The following RUFY2 variants were observed in gnomAD, a reference collection of about 807,000 sequenced individuals.
RUFY2 encodes the protein RUN and FYVE domain containing 2.
In RUFY2, 49 loss-of-function variants were observed where a neutral mutation model predicts 94.4. The observed-to-expected ratio is 0.52, with a 90% CI of 0.41 to 0.66. The LOEUF (loss-of-function observed/expected upper bound fraction) is 0.66, where lower values mean the gene tolerates loss of function less well. Among genes scored for constraint, RUFY2 ranks in the 30% least tolerant of loss-of-function variants. RUFY2 has a pLI of 0.00. For synonymous variants in RUFY2, 255 were observed against 235.7 expected (o/e 1.08, Z -0.75); for missense variants, 541 against 692.8 (o/e 0.78, Z 2.46).
At chr10:68,401,496 T>C (rs1590003566) in intron 3 of RUFY2, 124 bp downstream of exon 3, 1 of 634,050 alleles carries the variant, frequency 1.6e-6, no homozygotes, top group Admixed American at 2.4e-5. Flanking sequence ...AATTTTATTA[T>C]AAGAGGATTA....
At chr10:68,373,547 A>G (rs1358924241) in intron 13 of RUFY2, among the ~76,000 whole-genome samples, 1 of 152,048 alleles carries the variant, frequency 6.6e-6, no homozygotes, top group Non-Finnish European at 1.5e-5. Flanking sequence ...CAGAGGAATC[A>G]CTTGAGGCCA....
intron 10 of RUFY2, 43 bp downstream of exon 10, chr10:68,383,755 C>T (rs1184561969): frequency 1.5e-5 from 20 of 1,340,162 alleles, no homozygotes; most frequent in Middle Eastern, 1.8e-4. Flanking sequence ...GGGTAAATTA[C>T]TCCCAGGATG....
intron 7 of RUFY2, among the ~76,000 whole-genome samples, chr10:68,392,596 C>A (rs2050083066): frequency 6.6e-6 from 1 of 151,940 alleles, no homozygotes; most frequent in Non-Finnish European, 1.5e-5. Context: ...GTTTTAAGTT[C>A]TATTTAAATC....
chr10:68,342,313 G>GATGTGCTGCCTTC (rs1289329773), downstream of RUFY2: 2 of 353,474 alleles, frequency 5.7e-6, no homozygotes, highest in South Asian at 4.9e-5. Context: ...TACTCCTAAA[G>GATGTGCTGCCTTC]ATGTGCTGCC....
chr10:68,351,122 ATTTTTTTTTTTT>A (rs71009048), intron 16 of RUFY2, among the ~76,000 whole-genome samples: 2 of 79,000 alleles, frequency 2.5e-5, no homozygotes, highest in African/African-American at 1.1e-4. Context: ...GTATCCATAC[ATTTTTTTTTTTT>A]TTTTTTTTTT....
chr10:68,379,544 T>C lies in RUFY2; in HGVS notation c.1108-23A>G, dbSNP rs369774585. ...ACCCTATTTATAAAAACAAAAGCTA[T>C]GGTGGTTTTGATTTGTGTGTGTGTG... On this transcript the variant is annotated intron_variant, in intron 11 of 17. Coordinates refer to ENST00000602465, the MANE Select transcript of RUFY2 (RefSeq NM_001330103.2). The C allele has an allele frequency of 2.4e-5, 37 of 1,548,678 alleles. No individual in the cohort carries two copies. In the African/African-American group the frequency reaches 3.8e-4, roughly 16 times the overall value.
chr10:68,377,277 G>A (rs1437768726), intron 12 of RUFY2: 25 of 1,160,896 alleles, frequency 2.2e-5, no homozygotes, highest in Admixed American at 4.8e-5. Context: ...AGAGCATAAC[G>A]AATCAAATTT....
rs1270223586 is a variant in RUFY2 at position 68,400,486 on chromosome 10, C to T, written c.296+1134G>A. On this transcript the variant is annotated intron_variant, in intron 3 of 17. Coordinates refer to ENST00000602465, the MANE Select transcript of RUFY2 (RefSeq NM_001330103.2). Reference sequence around the variant, plus strand: ...GGTCAGGAGATCAAGACCATCCTGGCTAACATGGTGAAACCCCGTCTCTAC... The same window carrying T: ...GGTCAGGAGATCAAGACCATCCTGGTTAACATGGTGAAACCCCGTCTCTAC... 4.6e-5 allele frequency among the ~76,000 whole-genome samples: 7 copies of T among 150,538 alleles called. No individual in the cohort carries two copies. In the East Asian group the frequency reaches 5.9e-4, roughly 13 times the overall value.
At chr10:68,381,608 G>A (rs2049060442) in intron 10 of RUFY2, among the ~76,000 whole-genome samples, 1 of 152,180 alleles carries the variant, frequency 6.6e-6, no homozygotes, top group South Asian at 2.1e-4. Flanking sequence ...ACTTTGGGAG[G>A]CCAAGGTGGG....
intron 8 of RUFY2, among the ~76,000 whole-genome samples, chr10:68,385,841 CA>C (rs897213823): frequency 6.6e-6 from 1 of 152,006 alleles, no homozygotes; most frequent in Non-Finnish European, 1.5e-5. Context: ...CTGAGTATCT[CA>C]AATATAGTAT....
Position 68,345,779 on chromosome 10 carries a change from T to G in RUFY2, c.1810A>C (p.Asn604His), listed in dbSNP as rs748781275. 10 of 1,612,534 alleles carry G rather than the reference T, an allele frequency of 6.2e-6. No individual in the cohort carries two copies. Among genetic ancestry groups the G allele is most frequent in the Non-Finnish European group, 8.5e-6 (10 of 1,179,360 alleles). ...HALLIQRCSS[N>H]LP ...TTAGTTCTGGAGTCTCAGGGCAAGT[T>G]AGATGAGCATCTCTGAATGAGCAGT... Residue 604 changes from asparagine to histidine, a missense_variant, in exon 18 of 18, where the codon AAC (asparagine) becomes CAC (histidine). Asn to His is a moderately conservative substitution (Grantham distance 68). Transcript: ENST00000602465.
intron 7 of RUFY2, among the ~76,000 whole-genome samples, chr10:68,389,690 A>T (rs1238000268): frequency 6.6e-6 from 1 of 152,082 alleles, no homozygotes; most frequent in Non-Finnish European, 1.5e-5. Context: ...GAACTTTGGG[A>T]GGCCCAGGCG....
In RUFY2 at chr10:68,345,893, C is replaced by A; in HGVS notation, c.1696G>T (p.Gly566Trp). 2 of 1,614,048 alleles carry A rather than the reference C, an allele frequency of 1.2e-6. No homozygotes were observed. The highest frequency in any genetic ancestry group is 1.7e-6 in the Non-Finnish European group (2 of 1,180,006). ...SKRKHHCRNC[G>W]EIFCNACSDN... ...GAGCAGGCATTACAGAAAATTTCCC[C>A]ACAATTTCTACAGTGGTGCTATTAA... is the stretch of plus-strand genomic sequence containing the variant. Residue 566 changes from glycine to tryptophan, a missense_variant, in exon 18 of 18, where the codon GGG becomes TGG. Physicochemically the swap from Gly to Trp is radical, Grantham distance 184. Coordinates refer to ENST00000602465, the MANE Select transcript of RUFY2 (RefSeq NM_001330103.2).
chr10:68,404,320 G>A (rs1415133625), intron 2 of RUFY2, among the ~76,000 whole-genome samples: 1 of 152,022 alleles, frequency 6.6e-6, no homozygotes, highest in Non-Finnish European at 1.5e-5. Context: ...TTTCAATGCA[G>A]TTGTTCAACA....
chr10:68,350,441 C>A (rs1184907103), intron 16 of RUFY2, among the ~76,000 whole-genome samples: 4 of 152,134 alleles, frequency 2.6e-5, no homozygotes, highest in Admixed American at 1.3e-4. Flanking sequence ...CTGTTCTAGA[C>A]CCTTCAGCTG....
rs1399888461 is a variant in RUFY2, at chr10:68,345,894, A to G, written c.1695T>C (p.Cys565=). The G allele has an allele frequency of 1.9e-6, 3 of 1,614,158 alleles. No individual in the cohort carries two copies. Among genetic ancestry groups the G allele is most frequent in the Admixed American group, 1.7e-5 (1 of 60,018 alleles). ...LSKRKHHCRN[C]GEIFCNACSD... ...AGCAGGCATTACAGAAAATTTCCCC[A>G]CAATTTCTACAGTGGTGCTATTAAA... The change falls in exon 18 of 18, where the codon TGT becomes TGC. Residue 565 remains cysteine (C), a synonymous_variant. Coordinates refer to ENST00000602465, the MANE Select transcript of RUFY2 (RefSeq NM_001330103.2).
Position 68,407,270 on chromosome 10 carries a change from C to T in RUFY2, c.-81G>A. ...CCTTCCAGGCGCTCGGCGGCCACCA[C>T]CGCATCTGCAGCCAGGCCCGCTGCA... On this transcript the variant is annotated 5_prime_UTR_variant, in exon 1 of 18. It adds an upstream start codon to the 5' untranslated region. Transcript: ENST00000602465. 8.3e-7 allele frequency: 1 copy of T among 1,211,078 alleles called. No individual in the cohort carries two copies. The allele number at this position is 1,211,078 out of a possible 1,614,324, so 75.0% of individuals were successfully genotyped here.
chr10:68,378,778 T>C (rs974125343), intron 12 of RUFY2: 9 of 724,044 alleles, frequency 1.2e-5, no homozygotes, highest in Admixed American at 1.2e-4. Context: ...AGAAAGAGGA[T>C]GTCAATAAAA....
chr10:68,370,621 C>T (rs1455764272), intron 13 of RUFY2, among the ~76,000 whole-genome samples: 3 of 151,882 alleles, frequency 2.0e-5, no homozygotes, highest in Non-Finnish European at 4.4e-5. Flanking sequence ...CACTGCCCTA[C>T]AGCCTGGCCG....
Sources: gnomAD v4.1 joint callset for allele counts (sites outside exome capture counted in the v4.1 genomes callset) on GRCh38, gnomAD v4.1.1 for gene constraint, MANE v1.5 for transcripts, NCBI Gene and HGNC (gene_info 2026-07-23, HGNC 2026-07-21) for gene names.